Variants in IRAG2 observed in about 807,000 individuals in gnomAD.
IRAG2 encodes lymphoid restricted membrane protein.
Under a neutral mutation model 69.9 loss-of-function variants are expected in IRAG2, and 45 were observed. The observed-to-expected ratio is 0.64, with a 90% CI of 0.51 to 0.83. The LOEUF (loss-of-function observed/expected upper bound fraction) is 0.83, where lower values mean the gene tolerates loss of function less well. Ranked by LOEUF, IRAG2 falls within the 40% of genes least tolerant of loss-of-function variation. The pLI, the probability that IRAG2 is intolerant of heterozygous loss-of-function variation, is 0.00. For synonymous variants in IRAG2, 193 were observed against 202.4 expected (o/e 0.95, Z 0.40); for missense variants, 520 against 587.0 (o/e 0.89, Z 1.18).
intron 16 of IRAG2, among the ~76,000 whole-genome samples, chr12:25,041,381 TTTC>T (rs1319408379): frequency 6.6e-6 from 1 of 152,232 alleles, no homozygotes; most frequent in Non-Finnish European, 1.5e-5. Context: ...CTTTTTCTTC[TTTC>T]TTTGTGATTT....
chr12:25,050,202 T>C (rs977024914), upstream of IRAG2, among the ~76,000 whole-genome samples: 4 of 150,284 alleles, frequency 2.7e-5, no homozygotes, highest in South Asian at 2.1e-4. Context: ...TAGTGCACAG[T>C]TGGGGGAATG....
chr12:25,076,461 CTG>C (rs1946696309), intron 6 of IRAG2: 4 of 982,946 alleles, frequency 4.1e-6, no homozygotes, highest in Non-Finnish European at 4.8e-6. Context: ...TGGAGGCAAA[CTG>C]TATTTTTACT....
chr12:25,070,532 C>T (rs1269398318), intron 6 of IRAG2, among the ~76,000 whole-genome samples: 3 of 152,220 alleles, frequency 2.0e-5, no homozygotes, highest in Admixed American at 6.5e-5. Flanking sequence ...TTTGTTTTTC[C>T]ATTCATCAGC....
At chr12:25,007,773 C>G (rs1217946686) in intron 2 of IRAG2, among the ~76,000 whole-genome samples, 2 of 152,196 alleles carry the variant, frequency 1.3e-5, no homozygotes, top group Non-Finnish European at 1.5e-5. Flanking sequence ...CCACTCACCT[C>G]GGCTTCCCAA....
intron 16 of IRAG2, chr12:25,101,899 A>G (rs1229609691): frequency 5.1e-6 from 3 of 593,988 alleles, no homozygotes; most frequent in African/African-American, 1.8e-5. Context: ...ACCATATTTG[A>G]TACTCTTCTG....
intron 9 of IRAG2, among the ~76,000 whole-genome samples, chr12:25,080,081 CAG>C (rs971651816): frequency 2.0e-5 from 3 of 152,114 alleles, no homozygotes; most frequent in African/African-American, 7.2e-5. Flanking sequence ...AACTGTAGCA[CAG>C]AAGTGACATC....
chr12:25,009,250 G>A (rs1238176295), intron 2 of IRAG2, among the ~76,000 whole-genome samples: 1 of 152,180 alleles, frequency 6.6e-6, no homozygotes, highest in East Asian at 1.9e-4. Context: ...AGGCTGCAAT[G>A]AGCTATGATC....
At chr12:25,098,796 CT>C (rs1378138768) in intron 15 of IRAG2, among the ~76,000 whole-genome samples, 3 of 152,208 alleles carry the variant, frequency 2.0e-5, no homozygotes, top group African/African-American at 7.2e-5. Flanking sequence ...AGTCTCCCTC[CT>C]CCCACGTTCT....
At chr12:25,045,813 G>A (rs922983188) in intron 16 of IRAG2, among the ~76,000 whole-genome samples, 3 of 141,574 alleles carry the variant, frequency 2.1e-5, no homozygotes, top group East Asian at 2.0e-4. Flanking sequence ...GAAGATTAAC[G>A]CTAATCCTTC....
At chr12:25,071,662 A>G (rs896354484) in intron 6 of IRAG2, among the ~76,000 whole-genome samples, 9 of 152,252 alleles carry the variant, frequency 5.9e-5, no homozygotes, top group Admixed American at 5.2e-4. Flanking sequence ...CACTCAATTA[A>G]TAAATAACAA....
rs769528095 is a variant in IRAG2 at position 25,101,216 on chromosome 12, G to C, written c.780G>C (p.Gln260His). The change falls in exon 16 of 22, where the codon CAG (glutamine) becomes CAC (histidine). Residue 260 changes from glutamine (Q) to histidine (H), a missense_variant. Transcript: ENST00000556887. ...GTAAAGCAGTTGAAGTGATGATTCA[G>C]CACGTAGAAAACTTGAAGAGGATGT... ...RVSKAVEVMI[Q>H]HVENLKRMYA... 1 of 1,612,208 alleles carries C rather than the reference G, an allele frequency of 6.2e-7. No homozygotes were observed. Among genetic ancestry groups the C allele is most frequent in the African/African-American group, 1.3e-5 (1 of 74,826 alleles).
At chr12:25,012,272 A>T (rs1343246682) in intron 3 of IRAG2, among the ~76,000 whole-genome samples, 1 of 144,430 alleles carries the variant, frequency 6.9e-6, no homozygotes, top group Non-Finnish European at 1.5e-5. Context: ...CTCCCGCCAC[A>T]CCCTCCAGAG....
chr12:25,032,338 G>A (rs775390349), exon 12 of IRAG2: 4 of 398,900 alleles, frequency 1.0e-5, no homozygotes, highest in Non-Finnish European at 1.3e-5. Context: ...ACTGGCTCAT[G>A]AGTTACAGCA....
At chr12:24,999,790 T>A (rs1231552529), upstream of IRAG2, among the ~76,000 whole-genome samples, 1 of 151,344 alleles carries the variant, frequency 6.6e-6, no homozygotes, top group Non-Finnish European at 1.5e-5. Context: ...ATTATTTATT[T>A]GACATTTTTC....
intron 3 of IRAG2, among the ~76,000 whole-genome samples, chr12:25,013,952 G>T (rs1293390230): frequency 7.9e-6 from 1 of 126,164 alleles, no homozygotes; most frequent in Non-Finnish European, 1.6e-5. Context: ...TCGGCTCACT[G>T]CAAGCTCCGC....
At position 25,096,920 on chromosome 12, in the gene IRAG2, C is replaced by T; in HGVS notation, c.617C>T (p.Pro206Leu). The change falls in exon 15 of 22, where the codon CCT (proline) becomes CTT (leucine). Residue 206 changes from proline to leucine, a missense_variant. Physicochemically the swap from Pro to Leu is moderately conservative, Grantham distance 98 (BLOSUM62 -3). Transcript: ENST00000556887. ...CTGTTTTCTATACAGTCTTTAACAC[C>T]TCTGTGTGAAGATGACAACCAGGCA... The part of the protein sequence containing the change: ...NCLKLLESLT[P>L]LCEDDNQAQE... The T allele has an allele frequency of 6.2e-7, 1 of 1,612,402 alleles. No individual in the cohort carries two copies. Among genetic ancestry groups the T allele is most frequent in the Non-Finnish European group, 8.5e-7 (1 of 1,179,338 alleles).
intron 14 of IRAG2, chr12:25,091,136 C>T (rs1425294049): frequency 5.8e-6 from 1 of 171,032 alleles, no homozygotes; most frequent in African/African-American, 2.4e-5. Context: ...TTATTTTTTA[C>T]CGTGATAAAA....
chr12:25,079,646 C>A lies in IRAG2; in HGVS notation c.137-10C>A. The A allele has an allele frequency of 6.4e-7, 1 of 1,552,836 alleles. No individual in the cohort carries two copies. The highest frequency in any genetic ancestry group is 1.1e-5 in the South Asian group (1 of 89,800). Reference sequence around the variant, plus strand: ...ATAGTATTCGCACCATTTGTTTCTCCTGTTGACAGATCCTGGATTAGAAAT... The same window carrying A: ...ATAGTATTCGCACCATTTGTTTCTCATGTTGACAGATCCTGGATTAGAAAT... On this transcript the variant is annotated splice_polypyrimidine_tract_variant and intron_variant, in intron 8 of 21. Transcript: ENST00000556887.
At chr12:25,024,170 T>C (rs1944604915) in intron 8 of IRAG2, among the ~76,000 whole-genome samples, 2 of 152,186 alleles carry the variant, frequency 1.3e-5, no homozygotes, top group African/African-American at 4.8e-5. Flanking sequence ...TGAAATACAA[T>C]GAACCCATCT....
Sources: allele counts gnomAD v4.1 joint callset (sites outside exome capture counted in the v4.1 genomes callset), GRCh38; gene constraint gnomAD v4.1.1; transcripts MANE v1.5; gene names NCBI Gene and HGNC (gene_info 2026-07-23, HGNC 2026-07-21).